Variants in SLC5A10 observed in about 807,000 individuals in gnomAD.
SLC5A10 encodes the protein sodium/mannose cotransporter SLC5A10.
In SLC5A10, 55 loss-of-function variants were observed where a neutral mutation model predicts 68.9. The ratio of observed to expected loss-of-function variants is 0.80; its 90% CI spans 0.64 to 1.00. The LOEUF is 1.00. Ranked by LOEUF, SLC5A10 falls within the 50% of genes least tolerant of loss-of-function variation. The pLI is 0.00. For synonymous variants in SLC5A10, 344 were observed against 344.8 expected, an observed-to-expected ratio of 1.00 and a Z score of 0.02; for missense variants, 732 against 819.3, an observed-to-expected ratio of 0.89 and a Z score of 1.30.
intron 5 of SLC5A10, among the ~76,000 whole-genome samples, chr17:18,964,730 G>T (rs893765853): frequency 6.6e-6 from 1 of 152,208 alleles, no homozygotes; most frequent in Admixed American, 6.5e-5. Flanking sequence ...GGGGCTGGGG[G>T]TGTCTAGGGA....
At chr17:18,964,819 G>T (rs544702557) in intron 5 of SLC5A10, among the ~76,000 whole-genome samples, 1 of 152,234 alleles carries the variant, frequency 6.6e-6, no homozygotes, top group South Asian at 2.1e-4. Flanking sequence ...TCTGCCGGGC[G>T]GGGGTGCACC....
At chr17:18,966,675 G>A (rs796820129) in intron 5 of SLC5A10, among the ~76,000 whole-genome samples, 7 of 151,520 alleles carry the variant, frequency 4.6e-5, no homozygotes, top group African/African-American at 1.5e-4. Context: ...ACTTGAACCC[G>A]GGAGGTGGAA....
chr17:18,977,713 G>T (rs2043015050), intron 9 of SLC5A10: 1 of 1,609,666 alleles, frequency 6.2e-7, no homozygotes, highest in African/African-American at 1.3e-5. Flanking sequence ...TTATATGGGG[G>T]GCACTCAGCT....
intron 9 of SLC5A10, among the ~76,000 whole-genome samples, chr17:18,983,156 C>T (rs2043181852): frequency 1.3e-5 from 2 of 152,226 alleles, no homozygotes; most frequent in Admixed American, 6.5e-5. Context: ...GACCTGCCCA[C>T]TGTCTCCCAG....
intron 9 of SLC5A10, among the ~76,000 whole-genome samples, chr17:18,992,432 G>A (rs2043451071): frequency 6.6e-6 from 1 of 152,220 alleles, no homozygotes; most frequent in Admixed American, 6.5e-5. Flanking sequence ...ATGCAGGGGT[G>A]ACAGCATCTC....
intron 9 of SLC5A10, among the ~76,000 whole-genome samples, chr17:18,993,727 G>A (rs1055789713): frequency 6.6e-6 from 1 of 152,168 alleles, no homozygotes; most frequent in Non-Finnish European, 1.5e-5. Flanking sequence ...CTTGGGGTTC[G>A]TTATTCTCCA....
chr17:18,966,386 T>C (rs1194505976), intron 5 of SLC5A10, among the ~76,000 whole-genome samples: 1 of 152,114 alleles, frequency 6.6e-6, no homozygotes, highest in Non-Finnish European at 1.5e-5. Flanking sequence ...GTCTTGTTGA[T>C]TTTGTTCCCA....
rs115234068 is a variant in SLC5A10, at chr17:18,952,968, C to T, written c.111+652C>T. 4.0e-3 allele frequency among the ~76,000 whole-genome samples: 612 copies of T among 152,088 alleles called. 5 individuals are homozygous for T. Among genetic ancestry groups the T allele is most frequent in the African/African-American group, 0.014 (588 of 41,486 alleles). On this transcript the variant is annotated intron_variant, in intron 1 of 14. Transcript: ENST00000395645. The stretch of plus-strand genomic sequence containing the variant: ...CAAGGGAAGGGCTCCTCTGGTCTAT[C>T]GTGGAGGCCTTCCTGAGGGAAGGTG...
At chr17:18,969,807 G>A (rs1372635059) in intron 7 of SLC5A10, 1 of 203,174 alleles carries the variant, frequency 4.9e-6, no homozygotes, top group Non-Finnish European at 9.9e-6. Flanking sequence ...TTGTTTAAAA[G>A]CATGTACAAA....
chr17:19,019,029 G>A (rs900349587), intron 11 of SLC5A10: 3 of 201,570 alleles, frequency 1.5e-5, no homozygotes, highest in African/African-American at 7.0e-5. Context: ...TGCTCTCCTG[G>A]TGCTTCCATT....
At chr17:18,972,909 C>T (rs1300327072) in intron 8 of SLC5A10, among the ~76,000 whole-genome samples, 1 of 151,878 alleles carries the variant, frequency 6.6e-6, no homozygotes, top group Non-Finnish European at 1.5e-5. Flanking sequence ...TAGGAGCTAT[C>T]AGAAGCTCTG....
At chr17:18,985,558 A>G (rs1290521998) in intron 9 of SLC5A10, among the ~76,000 whole-genome samples, 1 of 152,130 alleles carries the variant, frequency 6.6e-6, no homozygotes, top group Admixed American at 6.5e-5. Context: ...GTCTGGGCCC[A>G]GCTAGCTCAA....
At chr17:18,985,297 G>T (rs1022780636) in intron 9 of SLC5A10, among the ~76,000 whole-genome samples, 1 of 152,226 alleles carries the variant, frequency 6.6e-6, no homozygotes, top group African/African-American at 2.4e-5. Flanking sequence ...GACAATGGAG[G>T]CCTAGAAGGA....
chr17:18,962,008 A>ACTTGGC (rs1392554524), intron 5 of SLC5A10, among the ~76,000 whole-genome samples: 2 of 152,122 alleles, frequency 1.3e-5, no homozygotes, highest in African/African-American at 4.8e-5. Flanking sequence ...GTCCGGAGGG[A>ACTTGGC]CTTGGCCTTG....
intron 9 of SLC5A10, chr17:18,977,999 C>T (rs767831731): frequency 1.0e-5 from 16 of 1,566,828 alleles, no homozygotes; most frequent in East Asian, 4.5e-5. Flanking sequence ...AGATAGCTGC[C>T]GCTGGAGTGG....
At chr17:18,969,661 T>C (rs1174717265) in intron 7 of SLC5A10, 3 of 463,834 alleles carry the variant, frequency 6.5e-6, no homozygotes, top group Non-Finnish European at 7.6e-6. Context: ...GCTCTGGCCC[T>C]GGCAAGGAGC....
intron 9 of SLC5A10, among the ~76,000 whole-genome samples, chr17:19,005,344 C>T (rs1188414193): frequency 6.6e-6 from 1 of 152,196 alleles, no homozygotes; most frequent in East Asian, 1.9e-4. Context: ...CCAAGAGGGC[C>T]GCTGTGGGCT....
At position 18,959,656 on chromosome 17, in the gene SLC5A10, C is replaced by T. The variant is rs2042573360; in HGVS notation, c.341C>T (p.Ser114Phe). ...LAWVFVPIYI[S>F]SEIVTLPEYI... ...TGGGTGTTCGTGCCCATCTACATCT[C>T]CTCAGAGGTGAGTCTACTCATGGGG... Residue 114 changes from serine (S) to phenylalanine (F), a missense_variant, in exon 4 of 15, where the codon TCC (serine) becomes TTC (phenylalanine). Ser to Phe is a radical substitution (Grantham distance 155). Coordinates refer to ENST00000395645, the MANE Select transcript of SLC5A10 (RefSeq NM_001042450.4). The T allele has an allele frequency of 1.2e-6, 2 of 1,613,926 alleles. No individual in the cohort carries two copies. Among genetic ancestry groups the T allele is most frequent in the East Asian group, 2.2e-5 (1 of 44,906 alleles).
intron 9 of SLC5A10, 166 bp downstream of exon 9, chr17:18,977,155 A>C: frequency 3.2e-6 from 3 of 925,194 alleles, no homozygotes; most frequent in Non-Finnish European, 4.8e-6. Flanking sequence ...AGGGATTAAC[A>C]TGGATGTGGC....
Sources: gnomAD v4.1 joint callset for allele counts (sites outside exome capture counted in the v4.1 genomes callset) on GRCh38, gnomAD v4.1.1 for gene constraint, MANE v1.5 for transcripts, NCBI Gene and HGNC (gene_info 2026-07-23, HGNC 2026-07-21) for gene names.